Variants in MBNL1 observed in about 807,000 individuals in gnomAD.
MBNL1 encodes the protein muscleblind like splicing regulator 1, also known as muscleblind-like protein 1.
Under a neutral mutation model 42.2 loss-of-function variants are expected in MBNL1, and 8 were observed. That is an observed-to-expected ratio of 0.19 (90% CI 0.11 to 0.34). The LOEUF (loss-of-function observed/expected upper bound fraction) is 0.34. MBNL1 is among the 10% of genes least tolerant of loss of function. MBNL1 has a pLI of 1.00. For missense variants in MBNL1, 309 were observed against 495.3 expected (o/e 0.62, Z 3.57); for synonymous variants, 169 against 173.9 (o/e 0.97, Z 0.22).
chr3:152,348,254 A>G lies in MBNL1; in HGVS notation c.174+47887A>G, dbSNP rs954659. ...GATACTAGAGAATATAGAAGTTGCT[A>G]TATCAACAAAAAATTTTTATTTGCT... On this transcript the variant is annotated intron_variant, in intron 2 of 9. Transcript: ENST00000324210. Among the ~76,000 whole-genome samples the G allele has an allele frequency of 2.5e-3, 376 of 152,280 alleles. 4 individuals carry two copies. The highest frequency in any genetic ancestry group is 0.013 in the East Asian group (70 of 5,188).
At position 152,334,083 on chromosome 3, in the gene MBNL1, T is replaced by C. The variant is rs573124853; in HGVS notation, c.174+33716T>C. Among the ~76,000 whole-genome samples the C allele has an allele frequency of 1.9e-4, 29 of 152,312 alleles. No individual in the cohort carries two copies. The East Asian group carries it at 5.4e-3, about 28-fold the overall frequency. On this transcript the variant is annotated intron_variant, in intron 2 of 9. Coordinates refer to ENST00000324210, the MANE Select transcript of MBNL1 (RefSeq NM_021038.5). ...CTTGGCACTTAATGAGTCTACAGTG[T>C]GTGTTAGCTATTGTTTTATTAATTC...
At chr3:152,397,315 G>A (rs565884139) in intron 2 of MBNL1, among the ~76,000 whole-genome samples, 35 of 152,128 alleles carry the variant, frequency 2.3e-4, no homozygotes, top group Non-Finnish European at 4.6e-4. Context: ...CCATCAACCC[G>A]TCACCTACAT....
chr3:152,340,101 T>C (rs34183289), intron 2 of MBNL1: 18,143 of 155,430 alleles, frequency 0.12, 1,221 homozygotes, highest in Middle Eastern at 0.17. Flanking sequence ...CCTGAGGCTG[T>C]AAGACCAGCC....
At chr3:152,405,295 C>T (rs1024064466) in intron 2 of MBNL1, among the ~76,000 whole-genome samples, 1 of 152,084 alleles carries the variant, frequency 6.6e-6, no homozygotes, top group Non-Finnish European at 1.5e-5. Flanking sequence ...AGTTAAACTG[C>T]CTGGGTTCAG....
chr3:152,386,478 T>C (rs2097429197), intron 2 of MBNL1, among the ~76,000 whole-genome samples: 1 of 152,130 alleles, frequency 6.6e-6, no homozygotes, highest in Non-Finnish European at 1.5e-5. Context: ...AAGTGGATTT[T>C]TCTTGGGTAC....
intron 3 of MBNL1, among the ~76,000 whole-genome samples, chr3:152,417,620 A>AAAC (rs1560511641): frequency 6.6e-6 from 1 of 152,088 alleles, no homozygotes; most frequent in African/African-American, 2.4e-5. Flanking sequence ...ACTTGGAAGC[A>AAAC]TCTAGTATTA....
intron 2 of MBNL1, among the ~76,000 whole-genome samples, chr3:152,391,160 CA>C (rs992908665): frequency 1.4e-4 from 21 of 152,156 alleles, no homozygotes; most frequent in African/African-American, 5.1e-4. Context: ...TGGTAAATGG[CA>C]AAATTGGGAT....
intron 2 of MBNL1, among the ~76,000 whole-genome samples, chr3:152,355,937 C>T (rs928346835): frequency 1.3e-5 from 2 of 152,178 alleles, no homozygotes; most frequent in African/African-American, 4.8e-5. Flanking sequence ...AGTCAGTAAA[C>T]AGCCATCGTA....
chr3:152,306,091 C>G (rs565382333), intron 2 of MBNL1, among the ~76,000 whole-genome samples: 1 of 152,176 alleles, frequency 6.6e-6, no homozygotes, highest in African/African-American at 2.4e-5. Context: ...CATCTCTGAC[C>G]ATTACATTTC....
chr3:152,446,161 T>C (rs1292945142), intron 5 of MBNL1, among the ~76,000 whole-genome samples: 2 of 152,148 alleles, frequency 1.3e-5, no homozygotes, highest in African/African-American at 4.8e-5. Flanking sequence ...TCATTAAGAA[T>C]AGCTACTAAA....
intron 2 of MBNL1, among the ~76,000 whole-genome samples, chr3:152,315,463 G>T (rs868796718): frequency 1.3e-5 from 2 of 152,274 alleles, no homozygotes; most frequent in Middle Eastern, 3.4e-3. Flanking sequence ...AAATTACAGA[G>T]ATAGAAAATT....
intron 2 of MBNL1, among the ~76,000 whole-genome samples, chr3:152,253,611 C>T (rs2149431041): frequency 6.6e-6 from 1 of 152,066 alleles, no homozygotes; most frequent in South Asian, 2.1e-4. Context: ...GTCTTTGTGT[C>T]TTCTCTCATA....
At chr3:152,292,492 C>T (rs570357401) in intron 1 of MBNL1, among the ~76,000 whole-genome samples, 1 of 152,298 alleles carries the variant, frequency 6.6e-6, no homozygotes, top group South Asian at 2.1e-4. Flanking sequence ...TAAAAGACTG[C>T]TTCGACAGAG....
intron 1 of MBNL1, among the ~76,000 whole-genome samples, chr3:152,292,055 G>A (rs1449870692): frequency 6.6e-6 from 1 of 152,172 alleles, no homozygotes; most frequent in Non-Finnish European, 1.5e-5. Flanking sequence ...GCTGTTGGGA[G>A]GAACAGAAGG....
intron 2 of MBNL1, among the ~76,000 whole-genome samples, chr3:152,366,136 T>A (rs2096352274): frequency 6.6e-6 from 1 of 151,750 alleles, no homozygotes; most frequent in Non-Finnish European, 1.5e-5. Flanking sequence ...AAAAAAAGAG[T>A]AATTTTGTTG....
chr3:152,430,580 A>G (rs1387091644), intron 3 of MBNL1, among the ~76,000 whole-genome samples: 1 of 152,244 alleles, frequency 6.6e-6, no homozygotes. Flanking sequence ...CAATCTGACA[A>G]TGTATAACAA....
At chr3:152,368,765 T>C (rs2096537948) in intron 2 of MBNL1, among the ~76,000 whole-genome samples, 1 of 152,224 alleles carries the variant, frequency 6.6e-6, no homozygotes, top group Non-Finnish European at 1.5e-5. Context: ...TATTTTATTC[T>C]CTTTGTAGCA....
chr3:152,266,860 C>G (rs981572371), upstream of MBNL1: 4 of 152,382 alleles, frequency 2.6e-5, no homozygotes, highest in African/African-American at 9.7e-5. Flanking sequence ...CATTCACCCT[C>G]CAAGCTGCCG....
intron 2 of MBNL1, among the ~76,000 whole-genome samples, chr3:152,331,691 TATTGATTG>T (rs370931631): frequency 1.3e-5 from 2 of 152,200 alleles, no homozygotes; most frequent in Non-Finnish European, 2.9e-5. Context: ...CTTCAAATGT[TATTGATTG>T]ATTGATTGAT....
Sources: allele counts gnomAD v4.1 joint callset (sites outside exome capture counted in the v4.1 genomes callset), GRCh38; gene constraint gnomAD v4.1.1; transcripts MANE v1.5; gene names NCBI Gene and HGNC (gene_info 2026-07-23, HGNC 2026-07-21).